Variants in PTPRG observed in about 807,000 individuals in gnomAD.
The protein encoded by PTPRG is receptor-type tyrosine-protein phosphatase gamma.
Under a neutral mutation model 165.3 loss-of-function variants are expected in PTPRG, and 102 were observed. The ratio of observed to expected loss-of-function variants is 0.62; its 90% CI spans 0.53 to 0.73. PTPRG has a LOEUF of 0.73. PTPRG is among the 30% of genes least tolerant of loss of function. The probability of loss-of-function intolerance (pLI) is 0.00; values close to 1 mark genes in which losing one functional copy is unlikely to be tolerated. For missense variants in PTPRG, 1,866 were observed against 1,861.4 expected (o/e 1.00, Z -0.05); for synonymous variants, 675 against 669.5 (o/e 1.01, Z -0.13).
Position 61,951,127 on chromosome 3 carries a change from A to G in PTPRG, c.191-38498A>G, listed in dbSNP as rs745501027. On this transcript the variant is annotated intron_variant, in intron 2 of 29. Transcript: ENST00000474889. ...CATTCATTGTTAGCAGTGATAATGC[A>G]TGCCTATACAGATTTTAGGAGTGTT... is the stretch of plus-strand genomic sequence containing the variant. 6.2e-4 allele frequency among the ~76,000 whole-genome samples: 95 copies of G among 152,234 alleles called. 2 individuals are homozygous for G. Among genetic ancestry groups the G allele is most frequent in the Non-Finnish European group, 1.8e-4 (12 of 68,054 alleles).
rs529005278 is a variant in PTPRG, at chr3:62,188,635, A to G, written c.1034-2834A>G. ...TTAATGCACACAGAAAAACCCATCT[A>G]TTTTAATTTCAAAAAATAAGAAGAA... On this transcript the variant is annotated intron_variant, in intron 8 of 29. Coordinates refer to ENST00000474889, the MANE Select transcript of PTPRG (RefSeq NM_002841.4). Among the ~76,000 whole-genome samples the G allele has an allele frequency of 6.8e-4, 104 of 152,292 alleles. 1 individual carries two copies. Among genetic ancestry groups the G allele is most frequent in the African/African-American group, 2.4e-3 (101 of 41,566 alleles).
rs545774784 is a variant in PTPRG at position 61,858,960 on chromosome 3, A to AATGTTTTAAGT, written c.190+109982_190+109992dup. ...TCCTGTTTGAGTAAATAGCACTTCC[A>AATGTTTTAAGT]ATGTTTTAAGTATGCAGAGCATGAT... On this transcript the variant is annotated intron_variant, in intron 2 of 29. Coordinates refer to ENST00000474889, the MANE Select transcript of PTPRG (RefSeq NM_002841.4). Among the ~76,000 whole-genome samples the AATGTTTTAAGT allele has an allele frequency of 2.3e-3, 353 of 152,294 alleles. 2 individuals are homozygous for AATGTTTTAAGT. Among genetic ancestry groups the AATGTTTTAAGT allele is most frequent in the African/African-American group, 8.1e-3 (337 of 41,572 alleles).
chr3:61,990,899 C>CAT (rs537919378), intron 3 of PTPRG, among the ~76,000 whole-genome samples: 1 of 139,204 alleles, frequency 7.2e-6, no homozygotes, highest in Non-Finnish European at 1.5e-5. Flanking sequence ...ACAAAGTTGC[C>CAT]TTTTTTTTTT....
intron 23 of PTPRG, 28 bp from the exon 24 acceptor site, chr3:62,275,845 G>A: frequency 6.6e-7 from 1 of 1,523,122 alleles, no homozygotes; most frequent in Non-Finnish European, 9.0e-7. Flanking sequence ...ATCTTTGAAT[G>A]AAGACTAAAA....
At chr3:62,179,067 T>C (rs562369672) in intron 8 of PTPRG, among the ~76,000 whole-genome samples, 59 of 152,342 alleles carry the variant, frequency 3.9e-4, no homozygotes, top group African/African-American at 1.2e-3. Flanking sequence ...CCACTCATTA[T>C]TCCTCAAACA....
chr3:62,177,366 G>A (rs2106763142), intron 8 of PTPRG, among the ~76,000 whole-genome samples: 1 of 152,272 alleles, frequency 6.6e-6, no homozygotes, highest in South Asian at 2.1e-4. Flanking sequence ...AAGACTTATA[G>A]TACAGGATCT....
At chr3:61,917,392 C>T (rs768622392) in intron 2 of PTPRG, among the ~76,000 whole-genome samples, 2 of 152,102 alleles carry the variant, frequency 1.3e-5, no homozygotes, top group African/African-American at 2.4e-5. Context: ...GTGAACATGC[C>T]ACGTTGCCTG....
intron 5 of PTPRG, among the ~76,000 whole-genome samples, chr3:62,130,915 A>T (rs1002815923): frequency 6.6e-6 from 1 of 150,962 alleles, no homozygotes; most frequent in Non-Finnish European, 1.5e-5. Flanking sequence ...TTATGGTCTG[A>T]TACACTGGGT....
At chr3:61,802,048 T>G in intron 2 of PTPRG, among the ~76,000 whole-genome samples, 1 of 148,654 alleles carries the variant, frequency 6.7e-6, no homozygotes, top group African/African-American at 2.5e-5. Context: ...AAAGACTCAG[T>G]GTTTCAGGTC....
intron 4 of PTPRG, among the ~76,000 whole-genome samples, chr3:62,033,530 T>TCCCCCCCCCCCCC (rs147045221): frequency 8.6e-4 from 115 of 134,158 alleles, no homozygotes; most frequent in East Asian, 1.0e-3. Flanking sequence ...ATGCCTATCT[T>TCCCCCCCCCCCCC]CCCCCCCCCA....
At position 61,861,215 on chromosome 3, in the gene PTPRG, G is replaced by T. The variant is rs371311232; in HGVS notation, c.190+112233G>T. 2.0e-5 allele frequency among the ~76,000 whole-genome samples: 3 copies of T among 152,126 alleles called. No homozygotes were observed. The East Asian group carries it at 5.8e-4, about 29-fold the overall frequency. Reference sequence around the variant, plus strand: ...GTTTAGGAAGCTGAGCCTGTATTATGATAGTTTCAGTCACACAAGGTGTAA... The same window carrying T: ...GTTTAGGAAGCTGAGCCTGTATTATTATAGTTTCAGTCACACAAGGTGTAA... On this transcript the variant is annotated intron_variant, in intron 2 of 29. Transcript: ENST00000474889.
chr3:62,151,536 A>T (rs974713641), intron 6 of PTPRG, among the ~76,000 whole-genome samples: 5 of 151,836 alleles, frequency 3.3e-5, no homozygotes, highest in African/African-American at 1.2e-4. Flanking sequence ...ACAATTAATT[A>T]TTAAAATATA....
In PTPRG at chr3:62,201,606, G is replaced by T. The variant is rs186622667; in HGVS notation, c.1377+52G>T. The T allele has an allele frequency of 1.0e-4, 165 of 1,582,202 alleles. No homozygotes were observed. The African/African-American group carries it at 1.9e-3, about 19-fold the overall frequency. ...GTCGTGGCTGGTTGTTAATTTGCTT[G>T]CAGTTAAAACTGTCACCACGAAGTG... is the stretch of plus-strand genomic sequence containing the variant. On this transcript the variant is annotated intron_variant, in intron 11 of 29. Coordinates refer to ENST00000474889, the MANE Select transcript of PTPRG (RefSeq NM_002841.4).
At chr3:62,131,235 C>A (rs1703502393) in intron 5 of PTPRG, among the ~76,000 whole-genome samples, 1 of 152,120 alleles carries the variant, frequency 6.6e-6, no homozygotes, top group South Asian at 2.1e-4. Context: ...CCTTCTCATC[C>A]CCCTCCCACT....
At chr3:61,823,017 A>G (rs766004056) in intron 2 of PTPRG, among the ~76,000 whole-genome samples, 1 of 152,130 alleles carries the variant, frequency 6.6e-6, no homozygotes, top group Non-Finnish European at 1.5e-5. Context: ...CATCCCTTTG[A>G]TACTCATTGT....
chr3:62,153,627 G>A (rs186971661), intron 6 of PTPRG, among the ~76,000 whole-genome samples: 2 of 152,268 alleles, frequency 1.3e-5, no homozygotes, highest in East Asian at 3.9e-4. Flanking sequence ...GTAGCTTAGA[G>A]GAATAATAGT....
rs77116055 is a variant in PTPRG at position 61,573,741 on chromosome 3, G to A, written c.85+11369G>A. On this transcript the variant is annotated intron_variant, in intron 1 of 29. Transcript: ENST00000474889. Reference sequence around the variant, plus strand: ...GATAATGCTCTTCAAATGATTATAGGATGTTTTAGAAGACATTGATGTCAC... The same window carrying A: ...GATAATGCTCTTCAAATGATTATAGAATGTTTTAGAAGACATTGATGTCAC... Among the ~76,000 whole-genome samples, 1,082 of 152,254 alleles carry A rather than the reference G, an allele frequency of 7.1e-3. 17 individuals carry two copies. Among genetic ancestry groups the A allele is most frequent in the African/African-American group, 0.025 (1,022 of 41,542 alleles).
chr3:62,028,112 G>T (rs531097790), intron 4 of PTPRG, among the ~76,000 whole-genome samples: 1 of 152,338 alleles, frequency 6.6e-6, no homozygotes, highest in East Asian at 1.9e-4. Context: ...TTTACTGGAA[G>T]TCAGAATCTG....
intron 1 of PTPRG, among the ~76,000 whole-genome samples, chr3:61,588,656 G>A (rs889416060): frequency 7.9e-5 from 12 of 152,116 alleles, no homozygotes; most frequent in African/African-American, 2.7e-4. Flanking sequence ...ATGTTGTCCA[G>A]GCTGGTCTCA....
Sources: allele counts gnomAD v4.1 joint callset (sites outside exome capture counted in the v4.1 genomes callset), GRCh38; gene constraint gnomAD v4.1.1; transcripts MANE v1.5; gene names NCBI Gene and HGNC (gene_info 2026-07-23, HGNC 2026-07-21).